The following DGKB variants were observed in gnomAD, a reference collection of about 807,000 sequenced individuals.
DGKB encodes diacylglycerol kinase beta.
A neutral mutation model predicts 114.3 loss-of-function variants in DGKB; 67 were observed. That is an observed-to-expected ratio of 0.59 (90% confidence interval 0.48 to 0.72). The LOEUF (loss-of-function observed/expected upper bound fraction) is 0.72, where lower values mean the gene tolerates loss of function less well. Among genes scored for constraint, DGKB ranks in the 30% least tolerant of loss-of-function variants. The pLI is 0.00. For missense variants in DGKB, 907 were observed against 975.2 expected (o/e 0.93, Z 0.93); for synonymous variants, 398 against 323.1 (o/e 1.23, Z -2.49).
chr7:14,792,899 T>A (rs1840876351), intron 2 of DGKB, among the ~76,000 whole-genome samples: 1 of 152,170 alleles, frequency 6.6e-6, no homozygotes, highest in South Asian at 2.1e-4. Flanking sequence ...ATTCATTGAA[T>A]TCGTCAATTA....
chr7:14,919,095 A>ACACACACACACACACACACAC (rs1554345122), intron 1 of DGKB, among the ~76,000 whole-genome samples: 2 of 114,920 alleles, frequency 1.7e-5, no homozygotes, highest in African/African-American at 7.2e-5. Flanking sequence ...CACACACACA[A>ACACACACACACACACACACAC]ACACACACAC....
intron 2 of DGKB, among the ~76,000 whole-genome samples, chr7:14,793,519 C>A (rs1192690756): frequency 6.6e-6 from 1 of 152,080 alleles, no homozygotes; most frequent in Non-Finnish European, 1.5e-5. Context: ...TGTTAGAAAT[C>A]AGGGATGACT....
intron 25 of DGKB, among the ~76,000 whole-genome samples, chr7:14,152,759 T>G (rs1334295857): frequency 6.6e-6 from 1 of 152,112 alleles, no homozygotes; most frequent in Non-Finnish European, 1.5e-5. Context: ...GTCTTCATCT[T>G]CTTATTTCTA....
At chr7:14,880,705 CT>C (rs1469145426) in intron 1 of DGKB, among the ~76,000 whole-genome samples, 1 of 152,094 alleles carries the variant, frequency 6.6e-6, no homozygotes, top group Non-Finnish European at 1.5e-5. Flanking sequence ...AGTTTATGCT[CT>C]TTTTAACAAA....
At chr7:14,206,756 T>C (rs1461241056) in intron 23 of DGKB, among the ~76,000 whole-genome samples, 1 of 152,058 alleles carries the variant, frequency 6.6e-6, no homozygotes, top group Non-Finnish European at 1.5e-5. Context: ...TCAAATCAAA[T>C]AATATATGCT....
intron 2 of DGKB, among the ~76,000 whole-genome samples, chr7:14,789,007 A>G (rs6946750): frequency 0.31 from 47,025 of 151,954 alleles, 9,748 homozygotes; most frequent in African/African-American, 0.59. Context: ...AGTGGAGCAG[A>G]AACACAGAAA....
chr7:14,962,676 G>A (rs1346659812), intron 1 of DGKB, among the ~76,000 whole-genome samples: 1 of 150,132 alleles, frequency 6.7e-6, no homozygotes, highest in African/African-American at 2.4e-5. Flanking sequence ...GTGTAAGCAC[G>A]TATACAGGCA....
chr7:14,157,983 G>A (rs1393520695), intron 25 of DGKB, among the ~76,000 whole-genome samples: 1 of 152,122 alleles, frequency 6.6e-6, no homozygotes, highest in Non-Finnish European at 1.5e-5. Flanking sequence ...TAGTAATGGT[G>A]TTAAGGACAT....
chr7:14,700,566 G>T (rs1477039943), intron 7 of DGKB, among the ~76,000 whole-genome samples: 1 of 152,104 alleles, frequency 6.6e-6, no homozygotes, highest in African/African-American at 2.4e-5. Context: ...CACAATCACA[G>T]CATCAATTCA....
intron 23 of DGKB, among the ~76,000 whole-genome samples, chr7:14,288,234 A>ATTTTT (rs1357871823): frequency 2.6e-5 from 2 of 75,774 alleles, no homozygotes; most frequent in East Asian, 3.4e-4. Context: ...TTTTTTTTTA[A>ATTTTT]TTTTTTTTTT....
chr7:14,306,431 G>A (rs1364791245), intron 23 of DGKB, among the ~76,000 whole-genome samples: 1 of 152,102 alleles, frequency 6.6e-6, no homozygotes, highest in South Asian at 2.1e-4. Flanking sequence ...GGTTTTAAAT[G>A]CTCACTCTTT....
chr7:14,615,463 C>T (rs1239511935), intron 15 of DGKB, among the ~76,000 whole-genome samples: 6 of 151,712 alleles, frequency 4.0e-5, no homozygotes, highest in African/African-American at 1.2e-4. Context: ...AAGTTATATA[C>T]TGTTATGAAC....
chr7:14,353,614 T>G (rs1019377339), intron 21 of DGKB, among the ~76,000 whole-genome samples: 1 of 152,190 alleles, frequency 6.6e-6, no homozygotes, highest in Non-Finnish European at 1.5e-5. Flanking sequence ...ATAGAATCAT[T>G]ATTTATTTTG....
At chr7:14,813,489 C>A (rs73280239) in intron 2 of DGKB, among the ~76,000 whole-genome samples, 1,581 of 152,236 alleles carry the variant, frequency 0.01, 22 homozygotes, top group African/African-American at 0.035. Context: ...AGCCCTTTAG[C>A]AGCCACCAGA....
chr7:14,370,905 G>C (rs141152973), intron 21 of DGKB, among the ~76,000 whole-genome samples: 103 of 152,262 alleles, frequency 6.8e-4, no homozygotes, highest in Middle Eastern at 3.4e-3. Flanking sequence ...TTATAAGTGA[G>C]AACATGTGGT....
At chr7:14,488,605 A>G (rs1238088903) in intron 20 of DGKB, among the ~76,000 whole-genome samples, 1 of 150,790 alleles carries the variant, frequency 6.6e-6, no homozygotes, top group Non-Finnish European at 1.5e-5. Flanking sequence ...AGATCACCTG[A>G]GGTCAGGAGT....
intron 2 of DGKB, among the ~76,000 whole-genome samples, chr7:14,783,548 C>T (rs2128492330): frequency 6.6e-6 from 1 of 152,310 alleles, no homozygotes; most frequent in African/African-American, 2.4e-5. Flanking sequence ...TGCTGTTTGA[C>T]ATTAGGCAAT....
At chr7:14,885,211 AT>A (rs1384754055) in intron 1 of DGKB, among the ~76,000 whole-genome samples, 2 of 151,958 alleles carry the variant, frequency 1.3e-5, no homozygotes, top group Non-Finnish European at 2.9e-5. Context: ...AACTGAAGGG[AT>A]TGCTAACACT....
Position 14,701,667 on chromosome 7 carries a change from A to G in DGKB, c.516+14T>C. 6.3e-7 allele frequency: 1 copy of G among 1,594,976 alleles called. No homozygotes were observed. Among genetic ancestry groups the G allele is most frequent in the East Asian group, 2.2e-5 (1 of 44,716 alleles). ...CTTTGAAGTTTTCACAGAAACTTTG[A>G]AGAAAAAAATTACCGAGCTGTCCAG... On this transcript the variant is annotated intron_variant, in intron 7 of 25. Coordinates refer to ENST00000402815, the MANE Select transcript of DGKB (RefSeq NM_001350709.2).
Sources: allele counts gnomAD v4.1 joint callset (sites outside exome capture counted in the v4.1 genomes callset), GRCh38; gene constraint gnomAD v4.1.1; transcripts MANE v1.5; gene names NCBI Gene and HGNC (gene_info 2026-07-23, HGNC 2026-07-21).